Variants in PIAS2 observed in about 807,000 individuals in gnomAD.
PIAS2 encodes protein inhibitor of activated STAT 2, also known as E3 SUMO-protein ligase PIAS2.
In PIAS2, 19 loss-of-function variants were observed where a neutral mutation model predicts 69.7. That is an observed-to-expected ratio of 0.27 (90% CI 0.19 to 0.40). The LOEUF (loss-of-function observed/expected upper bound fraction) is 0.40. Among genes scored for constraint, PIAS2 ranks in the 10% least tolerant of loss-of-function variants. PIAS2 has a pLI of 1.00. For synonymous variants in PIAS2, 261 were observed against 263.2 expected (o/e 0.99, Z 0.08); for missense variants, 624 against 757.0 (o/e 0.82, Z 2.06).
intron 12 of PIAS2, chr18:46,816,852 C>T: frequency 1.0e-6 from 1 of 979,488 alleles, no homozygotes; most frequent in Non-Finnish European, 1.2e-6. Context: ...AGAATTACAA[C>T]AAACTTTTCC....
At chr18:46,887,616 A>G (rs1038189522) in intron 2 of PIAS2, among the ~76,000 whole-genome samples, 3 of 152,248 alleles carry the variant, frequency 2.0e-5, no homozygotes, top group Non-Finnish European at 4.4e-5. Flanking sequence ...GATGGGCATT[A>G]AATAAAAGCT....
chr18:46,844,713 G>C, intron 7 of PIAS2, 21 bp downstream of exon 7: 1 of 885,872 alleles, frequency 1.1e-6, no homozygotes, highest in East Asian at 2.9e-5. Context: ...TAAATGCTTG[G>C]TCTTATTAAA....
intron 9 of PIAS2, among the ~76,000 whole-genome samples, chr18:46,831,957 C>G (rs572511972): frequency 5.9e-5 from 9 of 152,264 alleles, no homozygotes; most frequent in Admixed American, 2.0e-4. Flanking sequence ...GGTAAACCAG[C>G]CTTCATTCAA....
rs374298044 is a variant in PIAS2 at position 46,821,003 on chromosome 18, C to A, written c.1578G>T (p.Pro526=). 39 of 1,613,178 alleles carry A rather than the reference C, an allele frequency of 2.4e-5. No individual in the cohort carries two copies. The highest frequency in any genetic ancestry group is 3.2e-5 in the Non-Finnish European group (38 of 1,179,312). Residue 526 remains proline, a synonymous_variant, in exon 12 of 14, where the codon CCG becomes CCT. Transcript: ENST00000585916. The stretch of plus-strand genomic sequence containing the variant: ...GTACTGAGTAGTCTGTTAATGAAGG[C>A]GGAATAGCAGCAGGATCAACCGAAG... The part of the protein sequence containing the change: ...SVTSVDPAAI[P]PSLTDYSVPF...
intron 2 of PIAS2, among the ~76,000 whole-genome samples, chr18:46,873,473 T>C (rs991379135): frequency 6.6e-6 from 1 of 152,194 alleles, no homozygotes; most frequent in African/African-American, 2.4e-5. Context: ...CGGTGGTTGA[T>C]GGAGAAGCTC....
intron 1 of PIAS2, among the ~76,000 whole-genome samples, chr18:46,896,584 G>A (rs141126785): frequency 0.015 from 2,268 of 152,292 alleles, 35 homozygotes; most frequent in Middle Eastern, 0.02. Flanking sequence ...CACAAAACAT[G>A]AAATTCAAAA....
intron 1 of PIAS2, among the ~76,000 whole-genome samples, chr18:46,894,680 C>T (rs1205119504): frequency 2.0e-5 from 3 of 152,076 alleles, no homozygotes; most frequent in Non-Finnish European, 4.4e-5. Context: ...AAAATAAACA[C>T]AAAATTATTA....
chr18:46,836,236 A>G, intron 9 of PIAS2, 121 bp downstream of exon 9: 1 of 758,206 alleles, frequency 1.3e-6, no homozygotes, highest in Non-Finnish European at 2.2e-6. Flanking sequence ...ACATACAAAC[A>G]TCTGGATTTA....
chr18:46,891,065 A>T lies in PIAS2; in HGVS notation c.25-11T>A, dbSNP rs760315403. 4.6e-6 allele frequency: 7 copies of T among 1,535,982 alleles called. No homozygotes were observed. Among genetic ancestry groups the T allele is most frequent in the Non-Finnish European group, 6.2e-6 (7 of 1,134,968 alleles). On this transcript the variant is annotated splice_polypyrimidine_tract_variant and intron_variant, in intron 1 of 13. Transcript: ENST00000585916. ...ACTAGAAACCATATTCTAAAAGGAA[A>T]GAAAAAAAAACATAAGCCAAGTCAC...
At chr18:46,913,380 C>G (rs928728398) in intron 1 of PIAS2, among the ~76,000 whole-genome samples, 6 of 151,984 alleles carry the variant, frequency 3.9e-5, no homozygotes, top group Non-Finnish European at 7.4e-5. Context: ...ACAAATTTAC[C>G]CAGTTTGGTA....
Position 46,906,778 on chromosome 18 carries a change from G to GC in PIAS2, c.24+10543_24+10544insG, listed in dbSNP as rs2056662034. On this transcript the variant is annotated intron_variant, in intron 1 of 13. Transcript: ENST00000585916. ...ACAAGATGTATGTGTGTGTGTGGGG[G>GC]GGGGGGGAGGTGTATAACATGAAAA... Among the ~76,000 whole-genome samples, 6 of 145,412 alleles carry GC rather than the reference G, an allele frequency of 4.1e-5. No homozygotes were observed. The South Asian group carries it at 1.4e-3, about 35-fold the overall frequency.
At chr18:46,851,867 T>C (rs1018154139) in intron 5 of PIAS2, among the ~76,000 whole-genome samples, 14 of 152,324 alleles carry the variant, frequency 9.2e-5, no homozygotes, top group Middle Eastern at 3.4e-3. Flanking sequence ...CATAAGGACT[T>C]CTTCCAGGAC....
At chr18:46,839,527 C>T (rs970983174) in intron 8 of PIAS2, among the ~76,000 whole-genome samples, 8 of 152,084 alleles carry the variant, frequency 5.3e-5, no homozygotes, top group African/African-American at 7.2e-5. Context: ...CAGCCTACCA[C>T]GGTTTTTACA....
chr18:46,882,102 C>T (rs1199660454), intron 2 of PIAS2, among the ~76,000 whole-genome samples: 1 of 148,492 alleles, frequency 6.7e-6, no homozygotes, highest in Non-Finnish European at 1.5e-5. Context: ...GTCTCGGTGG[C>T]GGTGGGGGAA....
chr18:46,812,164 A>G lies in PIAS2; in HGVS notation c.*269T>C. ...ATTTGTAGACTCCATCCATTAACGT[A>G]TGAAAGTGAAATCCATCTCTCAGGA... On this transcript the variant is annotated 3_prime_UTR_variant, in exon 14 of 14. Coordinates refer to ENST00000585916, the MANE Select transcript of PIAS2 (RefSeq NM_004671.5). 1 of 275,708 alleles carries G rather than the reference A, an allele frequency of 3.6e-6. No individual in the cohort carries two copies. The highest frequency in any genetic ancestry group is 6.8e-6 in the Non-Finnish European group (1 of 147,412). The allele number at this position is 275,708 out of a possible 1,614,324, so 17.1% of individuals were successfully genotyped here. A position where few individuals can be genotyped will look rare whatever the true frequency, so the allele number is the denominator to read the frequency against.
rs541494024 is a variant in PIAS2, at chr18:46,917,093, G to A, written c.24+229C>T. 1.6e-4 allele frequency: 159 copies of A among 989,300 alleles called. No individual in the cohort carries two copies. The African/African-American group carries it at 2.7e-3, about 17-fold the overall frequency. The allele number at this position is 989,300 out of a possible 1,614,324, so 61.3% of individuals were successfully genotyped here. On this transcript the variant is annotated intron_variant, in intron 1 of 13. Transcript: ENST00000585916. ...TGTGCGGACCACTGGCAGCACTCAG[G>A]AGCCGGCTCGCCGCGGCCCAGGCCC...
chr18:46,910,083 G>C lies in PIAS2; in HGVS notation c.24+7239C>G, dbSNP rs533551900. On this transcript the variant is annotated intron_variant, in intron 1 of 13. Coordinates refer to ENST00000585916, the MANE Select transcript of PIAS2 (RefSeq NM_004671.5). ...AGGCAGTAAAATTGCTTGAACCTGG[G>C]AGGAGGAGGTTGCGGTGAGTCAAGA... is the stretch of plus-strand genomic sequence containing the variant. 2.0e-5 allele frequency among the ~76,000 whole-genome samples: 3 copies of C among 152,254 alleles called. No individual in the cohort carries two copies. The East Asian group carries it at 5.8e-4, about 29-fold the overall frequency.
intron 8 of PIAS2, among the ~76,000 whole-genome samples, chr18:46,841,752 C>A (rs1290960447): frequency 6.6e-6 from 1 of 152,084 alleles, no homozygotes; most frequent in Non-Finnish European, 1.5e-5. Context: ...CACTTCTGAG[C>A]AGAGAGAAAA....
intron 6 of PIAS2, 157 bp downstream of exon 6, chr18:46,846,550 G>C (rs1414120938): frequency 1.7e-6 from 1 of 592,922 alleles, no homozygotes; most frequent in East Asian, 3.0e-5. Context: ...TTAACTTTAA[G>C]AATCTCCACA....
Sources: gnomAD v4.1 joint callset for allele counts (sites outside exome capture counted in the v4.1 genomes callset) on GRCh38, gnomAD v4.1.1 for gene constraint, MANE v1.5 for transcripts, NCBI Gene and HGNC (gene_info 2026-07-23, HGNC 2026-07-21) for gene names.